Variants in TEX15 observed in about 807,000 individuals in gnomAD.
TEX15 encodes the protein testis-expressed protein 15.
In TEX15, 171 loss-of-function variants were observed where a neutral mutation model predicts 237.3. The observed-to-expected ratio is 0.72, with a 90% CI of 0.64 to 0.82. TEX15 has a LOEUF of 0.82. Among genes scored for constraint, TEX15 ranks in the 40% least tolerant of loss-of-function variants. The probability of loss-of-function intolerance (pLI) is 0.00; values close to 1 mark genes in which losing one functional copy is unlikely to be tolerated. For synonymous variants in TEX15, 1,338 were observed against 1,269.8 expected (o/e 1.05, Z -1.14); for missense variants, 3,750 against 3,646.5 (o/e 1.03, Z -0.73).
At position 30,833,315 on chromosome 8, in the gene TEX15, G is replaced by C; in HGVS notation, c.9490C>G (p.His3164Asp). 1 of 1,595,960 alleles carries C rather than the reference G, an allele frequency of 6.3e-7. No homozygotes were observed. Residue 3164 changes from histidine (H) to aspartate (D), a missense_variant, in exon 11 of 11, where the codon CAC becomes GAC. Coordinates refer to ENST00000643185, the MANE Select transcript of TEX15 (RefSeq NM_001350162.2). Reference sequence around the variant, plus strand: ...TGTCCTGGATGAAAGGATTCTTGGTGCCATGGAGCTGGAAGAAAAAACACC... The same window carrying C: ...TGTCCTGGATGAAAGGATTCTTGGTCCCATGGAGCTGGAAGAAAAAACACC... ...PEVPWVYAPW[H>D]QESFHPGH
Position 30,837,200 on chromosome 8 carries a change from A to T in TEX15, c.9084T>A (p.Tyr3028Ter), listed in dbSNP as rs144468585. The change falls in exon 10 of 11, where the codon TAT becomes TAA. Residue 3028 changes from tyrosine (Y) to a stop codon, truncating the protein, a stop_gained. Transcript: ENST00000643185. LOFTEE classifies it high-confidence loss of function. ...ELPQSACNPT[Y>*]NSSEHLFGTS... Reference sequence around the variant, plus strand: ...TTCCAAATAAATGCTCAGAAGAATTATATGTTGGGTTACATGCAGACTGTG... The same window carrying T: ...TTCCAAATAAATGCTCAGAAGAATTTTATGTTGGGTTACATGCAGACTGTG... 40 of 1,614,034 alleles carry T rather than the reference A, an allele frequency of 2.5e-5. No individual in the cohort carries two copies. Among genetic ancestry groups the T allele is most frequent in the Non-Finnish European group, 2.9e-5 (34 of 1,180,042 alleles).
rs1441851141 is a variant in TEX15, at chr8:30,842,029, G to C, written c.8138C>G (p.Thr2713Ser). 1 of 1,600,792 alleles carries C rather than the reference G, an allele frequency of 6.2e-7. No individual in the cohort carries two copies. The highest frequency in any genetic ancestry group is 1.4e-5 in the African/African-American group (1 of 74,000). ...EDSQEQQQDT[T>S]VSSCKKLKVD... ...CTTTAGCTTTTTACAACTGGAAACAGTAGTATCTTGCTGTTGTTCCTGAGA... is the reference window on the plus strand; with the variant it reads ...CTTTAGCTTTTTACAACTGGAAACACTAGTATCTTGCTGTTGTTCCTGAGA... Residue 2713 changes from threonine (T) to serine (S), a missense_variant, in exon 8 of 11, where the codon ACT becomes AGT. By Grantham distance (58) the Thr-to-Ser change is moderately conservative. Transcript: ENST00000643185.
intron 3 of TEX15, among the ~76,000 whole-genome samples, chr8:30,883,192 C>A (rs566313502): frequency 2.0e-5 from 3 of 152,014 alleles, no homozygotes; most frequent in Middle Eastern, 3.4e-3. Context: ...CTCACTGCAG[C>A]CTTGAACTTC....
Position 30,860,059 on chromosome 8 carries a change from T to TAAAAAAAAAAAAGCC in TEX15, c.541-17_541-3dup. ...TTTCTTCACTTTTCCAAAGAGAACCTAAAAAAAAAAAAGCCAAAAAAAAAG... is the reference window on the plus strand; with the variant it reads ...TTTCTTCACTTTTCCAAAGAGAACCTAAAAAAAAAAAAGCCAAAAAAAAAAAAGCCAAAAAAAAAG... On this transcript the variant is annotated splice_region_variant and splice_polypyrimidine_tract_variant and intron_variant, in intron 5 of 10. Transcript: ENST00000643185. 1 of 1,154,858 alleles carries TAAAAAAAAAAAAGCC rather than the reference T, an allele frequency of 8.7e-7. No individual in the cohort carries two copies. The highest frequency in any genetic ancestry group is 1.1e-6 in the Non-Finnish European group (1 of 884,598). 71.5% of individuals were successfully genotyped at this position (1,154,858 alleles called of 1,614,324 possible). A position where few individuals can be genotyped will look rare whatever the true frequency, so the allele number is the denominator to read the frequency against.
chr8:30,867,423 C>G lies in TEX15; in HGVS notation c.382G>C (p.Val128Leu). ...ATTCCATTCTGATATATCTGGGCTA[C>G]ATCACTCTGGGGAAGTGCTAAAAAG... ...FCFLALPQSD[V>L]AQIYQNGIST... The change falls in exon 5 of 11, where the codon GTA becomes CTA. Residue 128 changes from valine (V) to leucine (L), a missense_variant. Val to Leu is a conservative substitution (Grantham distance 32, BLOSUM62 1). Transcript: ENST00000643185. 4.6e-6 allele frequency: 7 copies of G among 1,534,498 alleles called. No homozygotes were observed. The highest frequency in any genetic ancestry group is 5.2e-6 in the Non-Finnish European group (6 of 1,145,758).
At chr8:30,873,078 C>A (rs1206218600) in intron 4 of TEX15, among the ~76,000 whole-genome samples, 1 of 152,042 alleles carries the variant, frequency 6.6e-6, no homozygotes, top group Non-Finnish European at 1.5e-5. Context: ...ACGAAATTGC[C>A]CAATGATGCA....
At chr8:30,891,488 CT>C (rs34276063) in intron 2 of TEX15, among the ~76,000 whole-genome samples, 22 of 149,850 alleles carry the variant, frequency 1.5e-4, no homozygotes, top group South Asian at 2.1e-4. Flanking sequence ...CGCACCCCCC[CT>C]TTTTTTTTTC....
chr8:30,858,713 T>G lies in TEX15; in HGVS notation c.805A>C (p.Met269Leu). Residue 269 changes from methionine to leucine, a missense_variant, in exon 7 of 11, where the codon ATG becomes CTG. Transcript: ENST00000643185. ...GTTGAGAGGAATCTCAAAGATGTCA[T>G]AAGGCGTCCATTATCTACTTTTGAA... ...LGSKVDNGRL[M>L]TSLRFLSTGF... 1 of 1,535,932 alleles carries G rather than the reference T, an allele frequency of 6.5e-7. No homozygotes were observed. The highest frequency in any genetic ancestry group is 8.7e-7 in the Non-Finnish European group (1 of 1,146,786).
intron 5 of TEX15, 117 bp downstream of exon 5, chr8:30,867,148 A>C (rs1400253068): frequency 2.5e-6 from 1 of 398,858 alleles, no homozygotes; most frequent in Non-Finnish European, 4.4e-6. Flanking sequence ...TATAATTATT[A>C]CTTATTTAAT....
In TEX15 at chr8:30,889,954, C is replaced by CATATATATATAT; in HGVS notation, c.-9-2655_-9-2644dup. 8.4e-4 allele frequency among the ~76,000 whole-genome samples: 93 copies of CATATATATATAT among 110,086 alleles called. 1 individual carries two copies. In the South Asian group the frequency reaches 0.016, roughly 19 times the overall value. 72.2% of individuals were successfully genotyped at this position (110,086 alleles called of 152,430 possible). A position where few individuals can be genotyped will look rare whatever the true frequency, so the allele number is the denominator to read the frequency against. ...ATATACATATATATATATATATATA[C>CATATATATATAT]ATATATATATATATGTATAAGTAAA... On this transcript the variant is annotated intron_variant, in intron 2 of 10. Transcript: ENST00000643185.
chr8:30,905,044 C>G lies in TEX15; in HGVS notation c.-85-6227G>C, dbSNP rs754883176. Among the ~76,000 whole-genome samples the G allele has an allele frequency of 5.3e-5, 8 of 152,218 alleles. No individual in the cohort carries two copies. The East Asian group carries it at 1.4e-3, about 26-fold the overall frequency. ...AATGTGGGGGTAACAAAGCTAACAA[C>G]TAGCAATTCATGTGCCTTCTTACTA... On this transcript the variant is annotated intron_variant, in intron 1 of 10. Transcript: ENST00000643185.
intron 2 of TEX15, among the ~76,000 whole-genome samples, chr8:30,891,086 T>C (rs956124782): frequency 2.6e-5 from 4 of 152,334 alleles, no homozygotes; most frequent in South Asian, 4.1e-4. Flanking sequence ...TCATTTTTTT[T>C]CCTTTGAGAA....
Position 30,838,076 on chromosome 8 carries a change from A to G in TEX15, c.8223-15T>C, listed in dbSNP as rs1341131389. On this transcript the variant is annotated splice_polypyrimidine_tract_variant and intron_variant, in intron 9 of 10. Coordinates refer to ENST00000643185, the MANE Select transcript of TEX15 (RefSeq NM_001350162.2). ...ATCCTGTAGTCCTATTAGGTGCAAC[A>G]CATACATAAAAATGAATTTAAATAT... is the stretch of plus-strand genomic sequence containing the variant. 3.2e-6 allele frequency: 5 copies of G among 1,559,298 alleles called. No individual in the cohort carries two copies. Among genetic ancestry groups the G allele is most frequent in the Non-Finnish European group, 4.3e-6 (5 of 1,160,068 alleles).
At position 30,847,562 on chromosome 8, in the gene TEX15, C is replaced by A. The variant is rs969283335; in HGVS notation, c.2605G>T (p.Glu869Ter). The change falls in exon 8 of 11, where the codon GAG (glutamate) becomes TAG (stop). Residue 869 changes from glutamate to a stop codon, truncating the protein, a stop_gained. Transcript: ENST00000643185. LOFTEE classifies it high-confidence loss of function. ...TTTTCTACACATGAAGCACTATTCT[C>A]TTTAGCCTCATTTTGGTTTTCTCTA... ...TDRENQNEAK[E>*]NSASCVENNI... 3.7e-6 allele frequency: 6 copies of A among 1,612,796 alleles called. No individual in the cohort carries two copies. The highest frequency in any genetic ancestry group is 4.2e-6 in the Non-Finnish European group (5 of 1,179,824).
chr8:30,846,112 T>C lies in TEX15; in HGVS notation c.4055A>G (p.Gln1352Arg), dbSNP rs1417729327. The C allele has an allele frequency of 1.2e-6, 2 of 1,613,446 alleles. No individual in the cohort carries two copies. The highest frequency in any genetic ancestry group is 2.7e-5 in the African/African-American group (2 of 74,912). The change falls in exon 8 of 11, where the codon CAG (glutamine) becomes CGG (arginine). Residue 1352 changes from glutamine (Q) to arginine (R), a missense_variant. Coordinates refer to ENST00000643185, the MANE Select transcript of TEX15 (RefSeq NM_001350162.2). Reference sequence around the variant, plus strand: ...GACACTCTTAATGTGCTTTTCTGACTGTGAAAATGTTTTAATTCGTCCTTG... The same window carrying C: ...GACACTCTTAATGTGCTTTTCTGACCGTGAAAATGTTTTAATTCGTCCTTG... The part of the protein sequence containing the change: ...LSQGRIKTFS[Q>R]SEKHIKSVLN...
At position 30,842,667 on chromosome 8, in the gene TEX15, A is replaced by T. The variant is rs778557929; in HGVS notation, c.7500T>A (p.Asp2500Glu). 1 of 1,612,686 alleles carries T rather than the reference A, an allele frequency of 6.2e-7. No homozygotes were observed. Among genetic ancestry groups the T allele is most frequent in the South Asian group, 1.1e-5 (1 of 91,072 alleles). Residue 2500 changes from aspartate (D) to glutamate (E), a missense_variant, in exon 8 of 11, where the codon GAT (aspartate) becomes GAA (glutamate). By Grantham distance (45) the Asp-to-Glu change is conservative (BLOSUM62 2). Coordinates refer to ENST00000643185, the MANE Select transcript of TEX15 (RefSeq NM_001350162.2). ...TCCAAAGGCAAACATCTGTTGAGTT[A>T]TCTTTAAGAAATGAAAAAGAAGCCA... The part of the protein sequence containing the change: ...EKMASFSFLK[D>E]NSTDVCLWKV...
At chr8:30,860,122 A>G in intron 5 of TEX15, 65 bp from the exon 6 acceptor site, 2 of 1,288,956 alleles carry the variant, frequency 1.6e-6, no homozygotes, top group South Asian at 1.7e-5. Context: ...AAACTGTCAC[A>G]TTTCAAACAT....
At chr8:30,873,841 T>C (rs1013901857) in intron 4 of TEX15, among the ~76,000 whole-genome samples, 1 of 152,178 alleles carries the variant, frequency 6.6e-6, no homozygotes, top group Non-Finnish European at 1.5e-5. Context: ...TTTTGTCTAA[T>C]TGGGCAAATA....
At chr8:30,909,522 G>A (rs913714556) in intron 1 of TEX15, among the ~76,000 whole-genome samples, 1 of 151,316 alleles carries the variant, frequency 6.6e-6, no homozygotes, top group Non-Finnish European at 1.5e-5. Context: ...ACCAGACTTC[G>A]GGGACTATCC....
Sources: gnomAD v4.1 joint callset for allele counts (sites outside exome capture counted in the v4.1 genomes callset) on GRCh38, gnomAD v4.1.1 for gene constraint, MANE v1.5 for transcripts, NCBI Gene and HGNC (gene_info 2026-07-23, HGNC 2026-07-21) for gene names.